Variants in MARCHF1 observed in about 807,000 individuals in gnomAD.
The protein encoded by MARCHF1 is membrane associated ring-CH-type finger 1, also known as E3 ubiquitin-protein ligase MARCHF1.
Under a neutral mutation model 54.2 loss-of-function variants are expected in MARCHF1, and 40 were observed. The observed-to-expected ratio is 0.74, with a 90% CI of 0.57 to 0.96. The LOEUF (loss-of-function observed/expected upper bound fraction) is 0.96, where lower values mean the gene tolerates loss of function less well. Ranked by LOEUF, MARCHF1 falls within the 40% of genes least tolerant of loss-of-function variation. The pLI is 0.00. For missense variants in MARCHF1, 586 were observed against 656.5 expected, an observed-to-expected ratio of 0.89 and a Z score of 1.17; for synonymous variants, 236 against 236.3, an observed-to-expected ratio of 1.00 and a Z score of 0.01.
chr4:164,157,878 A>AG (rs1275212647), intron 1 of MARCHF1, among the ~76,000 whole-genome samples: 2 of 152,088 alleles, frequency 1.3e-5, no homozygotes, highest in Non-Finnish European at 2.9e-5. Context: ...TTTGTGAGGG[A>AG]GGGATTACAA....
intron 3 of MARCHF1, among the ~76,000 whole-genome samples, chr4:163,887,155 T>G (rs1750555593): frequency 6.6e-6 from 1 of 151,998 alleles, no homozygotes; most frequent in South Asian, 2.1e-4. Context: ...ATCATATAAA[T>G]AAAAATATTA....
chr4:163,600,616 T>C (rs552179652), intron 7 of MARCHF1, among the ~76,000 whole-genome samples: 7 of 152,326 alleles, frequency 4.6e-5, no homozygotes, highest in Admixed American at 2.6e-4. Flanking sequence ...TATTCCTTTT[T>C]TTCCTCCATT....
At chr4:164,140,207 A>G (rs1756495028) in intron 1 of MARCHF1, among the ~76,000 whole-genome samples, 1 of 143,278 alleles carries the variant, frequency 7.0e-6, no homozygotes, top group Non-Finnish European at 1.5e-5. Flanking sequence ...ACACATATAT[A>G]CACACACACT....
rs570116281 is a variant in MARCHF1, at chr4:163,689,648, C to T, written c.162+11165G>A. Among the ~76,000 whole-genome samples, 5 of 150,808 alleles carry T rather than the reference C, an allele frequency of 3.3e-5. No homozygotes were observed. The East Asian group carries it at 5.9e-4, about 18-fold the overall frequency. Reference sequence around the variant, plus strand: ...CTACTTGTTACTGTAAATTCACCTGCGTGGATTTTTTTTTTTTCCCAGGCA... The same window carrying T: ...CTACTTGTTACTGTAAATTCACCTGTGTGGATTTTTTTTTTTTCCCAGGCA... On this transcript the variant is annotated intron_variant, in intron 5 of 9. Coordinates refer to ENST00000514618, the MANE Select transcript of MARCHF1 (RefSeq NM_001394959.1).
intron 2 of MARCHF1, among the ~76,000 whole-genome samples, chr4:163,989,229 T>G (rs1241403798): frequency 6.6e-6 from 1 of 151,706 alleles, no homozygotes; most frequent in Non-Finnish European, 1.5e-5. Flanking sequence ...AATAATCTGC[T>G]TAGGTCAAAG....
intron 1 of MARCHF1, among the ~76,000 whole-genome samples, chr4:164,134,687 C>A (rs1409210736): frequency 1.3e-5 from 2 of 151,906 alleles, no homozygotes; most frequent in Non-Finnish European, 2.9e-5. Flanking sequence ...AAGGAGGAGA[C>A]CTGAGGACTG....
Position 163,911,838 on chromosome 4 carries a change from C to T in MARCHF1, c.-38-57669G>A, listed in dbSNP as rs116784653. Among the ~76,000 whole-genome samples the T allele has an allele frequency of 5.5e-3, 833 of 152,176 alleles. 8 individuals carry two copies. The highest frequency in any genetic ancestry group is 0.02 in the Middle Eastern group (6 of 294). ...TCCTACTATGCAAGGGGAGAGATTT[C>T]GGGAGAAATCAATCTTGCTGATACC... is the stretch of plus-strand genomic sequence containing the variant. On this transcript the variant is annotated intron_variant, in intron 3 of 9. Transcript: ENST00000514618.
rs1050560117 is a variant in MARCHF1, at chr4:163,868,877, A to T, written c.-38-14708T>A. ...AAGCAAGTAGTGTCCAACTTCAGGA[A>T]TTTTTTTTTCAAAAAAGATGAATAA... On this transcript the variant is annotated intron_variant, in intron 3 of 9. Coordinates refer to ENST00000514618, the MANE Select transcript of MARCHF1 (RefSeq NM_001394959.1). Among the ~76,000 whole-genome samples the T allele has an allele frequency of 3.3e-5, 5 of 151,510 alleles. No homozygotes were observed. In the East Asian group the frequency reaches 5.8e-4, roughly 18 times the overall value.
intron 4 of MARCHF1, among the ~76,000 whole-genome samples, chr4:163,808,519 C>T (rs1293889021): frequency 6.6e-6 from 1 of 152,052 alleles, no homozygotes; most frequent in Non-Finnish European, 1.5e-5. Context: ...GGCCTGTGCT[C>T]CAGAAATAGT....
chr4:163,842,841 T>C lies in MARCHF1; in HGVS notation c.111+11180A>G, dbSNP rs1749379504. On this transcript the variant is annotated intron_variant, in intron 4 of 9. Transcript: ENST00000514618. ...CACTGTTTACTGGGAATACCCATTG[T>C]TTTCTGTTTTTTATCCCCTCTCTCT... Among the ~76,000 whole-genome samples, 4 of 152,260 alleles carry C rather than the reference T, an allele frequency of 2.6e-5. No individual in the cohort carries two copies. In the South Asian group the frequency reaches 8.3e-4, roughly 32 times the overall value.
intron 5 of MARCHF1, among the ~76,000 whole-genome samples, chr4:163,637,679 G>A (rs1742389259): frequency 1.3e-5 from 2 of 150,782 alleles, no homozygotes; most frequent in African/African-American, 4.9e-5. Context: ...GTGGAAGTCA[G>A]TGTGGTGATT....
intron 1 of MARCHF1, among the ~76,000 whole-genome samples, chr4:164,144,292 A>C (rs1326449359): frequency 2.6e-5 from 4 of 151,840 alleles, no homozygotes; most frequent in Non-Finnish European, 1.5e-5. Context: ...GATACCCAGG[A>C]ATTGAACTCA....
chr4:164,145,583 C>T (rs555792955), intron 1 of MARCHF1, among the ~76,000 whole-genome samples: 11 of 152,240 alleles, frequency 7.2e-5, no homozygotes, highest in African/African-American at 2.6e-4. Context: ...ACATGATTAC[C>T]TCAATAGATT....
chr4:163,700,570 AAG>A, intron 5 of MARCHF1, among the ~76,000 whole-genome samples: 1 of 151,168 alleles, frequency 6.6e-6, no homozygotes, highest in South Asian at 2.1e-4. Flanking sequence ...GGAAGGAAGG[AAG>A]GAAGGAAGGA....
intron 3 of MARCHF1, among the ~76,000 whole-genome samples, chr4:163,982,736 G>C (rs934347829): frequency 6.6e-6 from 1 of 152,044 alleles, no homozygotes; most frequent in Non-Finnish European, 1.5e-5. Flanking sequence ...GTAAACTTCA[G>C]CATTGGGAGC....
intron 1 of MARCHF1, among the ~76,000 whole-genome samples, chr4:164,310,949 CTAAGAT>C: frequency 6.6e-6 from 1 of 152,280 alleles, no homozygotes; most frequent in South Asian, 2.1e-4. Context: ...GAACCTACTT[CTAAGAT>C]TGTGTGCTCC....
intron 8 of MARCHF1, among the ~76,000 whole-genome samples, chr4:163,550,926 A>G (rs1034238196): frequency 2.0e-4 from 30 of 152,178 alleles, no homozygotes; most frequent in Non-Finnish European, 5.9e-5. Context: ...GGCGATGGGG[A>G]CCCTGTAATG....
chr4:163,650,328 A>G (rs568171566), intron 5 of MARCHF1, among the ~76,000 whole-genome samples: 2 of 152,148 alleles, frequency 1.3e-5, no homozygotes, highest in Non-Finnish European at 2.9e-5. Context: ...AAATATTTAT[A>G]CAATGAAAAA....
At chr4:164,280,785 A>G (rs1220091927) in intron 1 of MARCHF1, among the ~76,000 whole-genome samples, 1 of 152,108 alleles carries the variant, frequency 6.6e-6, no homozygotes, top group Non-Finnish European at 1.5e-5. Context: ...CTATATAGTG[A>G]GAATGCCACT....
Sources: gnomAD v4.1 joint callset for allele counts (sites outside exome capture counted in the v4.1 genomes callset) on GRCh38, gnomAD v4.1.1 for gene constraint, MANE v1.5 for transcripts, NCBI Gene and HGNC (gene_info 2026-07-23, HGNC 2026-07-21) for gene names.